The following FAM178B variants were observed in gnomAD, a reference collection of about 807,000 sequenced individuals.
FAM178B encodes family with sequence similarity 178 member B.
In FAM178B, 82 loss-of-function variants were observed where a neutral mutation model predicts 91.7. The ratio of observed to expected loss-of-function variants is 0.89; its 90% CI spans 0.75 to 1.07. FAM178B has a LOEUF of 1.07. Ranked by LOEUF, FAM178B falls within the 50% of genes least tolerant of loss-of-function variation. FAM178B has a pLI of 0.00. For missense variants in FAM178B, 769 were observed against 846.7 expected, an observed-to-expected ratio of 0.91 and a Z score of 1.14; for synonymous variants, 368 against 359.4, an observed-to-expected ratio of 1.02 and a Z score of -0.27.
At chr2:96,910,266 A>G (rs2081128903) in intron 12 of FAM178B, among the ~76,000 whole-genome samples, 5 of 152,108 alleles carry the variant, frequency 3.3e-5, no homozygotes, top group Non-Finnish European at 5.9e-5. Flanking sequence ...TCCGCCTCCA[A>G]AAGTCCCCAT....
rs1488027888 is a variant in FAM178B at position 96,893,984 on chromosome 2, A to G, written c.1718T>C (p.Val573Ala). Reference sequence around the variant, plus strand: ...TTGCTCCTGGCAGGGTGGCAAGGGCACAGAGTCCAGGTATTGCCTGAGAGA... The same window carrying G: ...TTGCTCCTGGCAGGGTGGCAAGGGCGCAGAGTCCAGGTATTGCCTGAGAGA... ...PSSLRQYLDS[V>A]PLPPCQEQQP... is the part of the protein sequence containing the mutation. Residue 573 changes from valine to alanine, a missense_variant, in exon 14 of 17, where the codon GTG (valine) becomes GCG (alanine). Coordinates refer to ENST00000490605, the MANE Select transcript of FAM178B (RefSeq NM_001122646.3). 1.2e-6 allele frequency: 2 copies of G among 1,612,902 alleles called. No homozygotes were observed. The highest frequency in any genetic ancestry group is 2.2e-5 in the South Asian group (2 of 91,060).
intron 16 of FAM178B, 71 bp from the exon 17 acceptor site, chr2:96,876,379 G>C: frequency 6.5e-7 from 1 of 1,545,842 alleles, no homozygotes; most frequent in Non-Finnish European, 8.7e-7. Context: ...CAGCTCCCCG[G>C]GCTGGCGGTG....
At chr2:96,917,788 C>T (rs543185349) in intron 12 of FAM178B, among the ~76,000 whole-genome samples, 5 of 152,160 alleles carry the variant, frequency 3.3e-5, no homozygotes, top group South Asian at 2.1e-4. Context: ...CCCAAGAGGT[C>T]GAGGCTGCAG....
chr2:96,930,210 C>CAAAAAAAAAAAAAA (rs60102987), intron 8 of FAM178B, among the ~76,000 whole-genome samples: 1 of 39,460 alleles, frequency 2.5e-5, no homozygotes, highest in African/African-American at 1.4e-4. Flanking sequence ...TCCGTCTCTC[C>CAAAAAAAAAAAAAA]AAAAAAAAAA....
intron 1 of FAM178B, among the ~76,000 whole-genome samples, chr2:96,980,014 T>C (rs1482976061): frequency 6.6e-6 from 1 of 152,152 alleles, no homozygotes; most frequent in Non-Finnish European, 1.5e-5. Context: ...TACTTGAGAT[T>C]GCTGGTATCT....
intron 7 of FAM178B, chr2:96,950,051 G>C (rs960915547): frequency 1.0e-6 from 1 of 985,798 alleles, no homozygotes; most frequent in Non-Finnish European, 1.2e-6. Flanking sequence ...GACGGGGAAA[G>C]AGGCAGGGGA....
intron 1 of FAM178B, among the ~76,000 whole-genome samples, chr2:96,975,758 A>C (rs575380818): frequency 5.3e-4 from 81 of 152,252 alleles, no homozygotes; most frequent in Non-Finnish European, 7.5e-4. Context: ...ATAGAAAAAC[A>C]TGTTACACTA....
At chr2:96,920,544 G>A (rs1266104055) in intron 12 of FAM178B, among the ~76,000 whole-genome samples, 4 of 151,986 alleles carry the variant, frequency 2.6e-5, no homozygotes, top group South Asian at 4.1e-4. Flanking sequence ...AGCTTGCAGC[G>A]AGCCGAGATC....
chr2:96,925,794 C>T (rs934112735), intron 9 of FAM178B, among the ~76,000 whole-genome samples: 2 of 152,188 alleles, frequency 1.3e-5, no homozygotes, highest in African/African-American at 4.8e-5. Context: ...GCATCTTCTT[C>T]CCCCAAAAGT....
intron 6 of FAM178B, among the ~76,000 whole-genome samples, chr2:96,959,063 G>A (rs1031796931): frequency 6.6e-6 from 1 of 151,868 alleles, no homozygotes; most frequent in Admixed American, 6.6e-5. Context: ...GCCAGGCATG[G>A]TGGCAGGTGC....
chr2:96,968,856 C>T (rs1185481702), intron 4 of FAM178B, among the ~76,000 whole-genome samples: 1 of 152,238 alleles, frequency 6.6e-6, no homozygotes, highest in East Asian at 1.9e-4. Flanking sequence ...CCCTCAGGCT[C>T]CAGCCCCATG....
intron 14 of FAM178B, among the ~76,000 whole-genome samples, chr2:96,889,406 C>T (rs188456832): frequency 8.0e-4 from 122 of 152,250 alleles, no homozygotes; most frequent in African/African-American, 2.8e-3. Flanking sequence ...AGGCCCGGTG[C>T]GGTGGCTCAT....
chr2:96,920,631 C>T (rs1033923558), intron 12 of FAM178B, among the ~76,000 whole-genome samples: 7 of 152,042 alleles, frequency 4.6e-5, no homozygotes, highest in East Asian at 1.9e-4. Context: ...TACAGAGCGC[C>T]GAACAGCACG....
At chr2:96,900,425 C>T (rs1394558334) in intron 13 of FAM178B, among the ~76,000 whole-genome samples, 5 of 152,160 alleles carry the variant, frequency 3.3e-5, no homozygotes, top group East Asian at 1.9e-4. Context: ...ACTGCCTTCC[C>T]GGGGTGTGCC....
At chr2:96,883,043 C>T (rs931252671) in intron 14 of FAM178B, among the ~76,000 whole-genome samples, 3 of 152,244 alleles carry the variant, frequency 2.0e-5, no homozygotes, top group African/African-American at 7.2e-5. Flanking sequence ...CTGAGAAGTT[C>T]CATGCAGGAA....
At position 96,935,801 on chromosome 2, in the gene FAM178B, T is replaced by G. The variant is rs367944648; in HGVS notation, c.1079-6481A>C. Among the ~76,000 whole-genome samples, 30 of 151,008 alleles carry G rather than the reference T, an allele frequency of 2.0e-4. No individual in the cohort carries two copies. In the East Asian group the frequency reaches 3.1e-3, roughly 16 times the overall value. ...GGCATGCACCACCACGCCTGGATAA[T>G]TTTTGTACTTTTTTAGTAGACAGGG... On this transcript the variant is annotated intron_variant, in intron 8 of 16. Coordinates refer to ENST00000490605, the MANE Select transcript of FAM178B (RefSeq NM_001122646.3).
chr2:96,969,726 A>G (rs1468809876), intron 4 of FAM178B, among the ~76,000 whole-genome samples: 1 of 152,258 alleles, frequency 6.6e-6, no homozygotes, highest in Non-Finnish European at 1.5e-5. Flanking sequence ...AAAATCACTC[A>G]GGTGAAGGAG....
intron 14 of FAM178B, among the ~76,000 whole-genome samples, chr2:96,880,145 GC>G (rs1175086893): frequency 6.6e-6 from 1 of 152,242 alleles, no homozygotes; most frequent in East Asian, 1.9e-4. Flanking sequence ...AGGAGAAAGG[GC>G]CCTTCCAGGG....
At chr2:96,887,520 A>AGTCTG (rs1478523558) in intron 14 of FAM178B, among the ~76,000 whole-genome samples, 1 of 152,222 alleles carries the variant, frequency 6.6e-6, no homozygotes, top group Non-Finnish European at 1.5e-5. Context: ...CGGGAGAGAC[A>AGTCTG]GTCTGGGCTC....
Sources: allele counts gnomAD v4.1 joint callset (sites outside exome capture counted in the v4.1 genomes callset), GRCh38; gene constraint gnomAD v4.1.1; transcripts MANE v1.5; gene names NCBI Gene and HGNC (gene_info 2026-07-23, HGNC 2026-07-21).